Variants in OR8A1 observed in about 807,000 individuals in gnomAD.
The protein encoded by OR8A1 is olfactory receptor 8A1.
Under a neutral mutation model 13.4 loss-of-function variants are expected in OR8A1, and 5 were observed. That is an observed-to-expected ratio of 0.37 (90% CI 0.19 to 0.78). The LOEUF (loss-of-function observed/expected upper bound fraction) is 0.78, where lower values mean the gene tolerates loss of function less well. Ranked by LOEUF, OR8A1 falls within the 30% of genes least tolerant of loss-of-function variation. The pLI, the probability that OR8A1 is intolerant of heterozygous loss-of-function variation, is 0.47. For missense variants in OR8A1, 354 were observed against 374.8 expected, an observed-to-expected ratio of 0.94 and a Z score of 0.46; for synonymous variants, 156 against 150.4, an observed-to-expected ratio of 1.04 and a Z score of -0.27.
In OR8A1 at chr11:124,571,102, A is replaced by C; in HGVS notation, c.*53A>C. The C allele has an allele frequency of 6.6e-7, 1 of 1,510,186 alleles. No homozygotes were observed. Among genetic ancestry groups the C allele is most frequent in the South Asian group, 1.3e-5 (1 of 78,548 alleles). The allele number at this position is 1,510,186 out of a possible 1,614,324, so 93.5% of individuals were successfully genotyped here. ...TAGTGGTAATTGTTATAAATACCAG[A>C]GTGACAGCTTCTGAATGCTGGCCAG... On this transcript the variant is annotated 3_prime_UTR_variant, in exon 1 of 1. Coordinates refer to ENST00000284287, the MANE Select transcript of OR8A1 (RefSeq NM_001005194.2).
At position 124,570,982 on chromosome 11, in the gene OR8A1, T is replaced by G; in HGVS notation, c.863T>G (p.Ile288Ser). ...TTVIPMLNPL[I>S]YSLRNKEVKA... is the part of the protein sequence containing the mutation. ...GTAATCCCCATGTTGAATCCCCTAA[T>G]CTACAGCCTGAGGAACAAGGAAGTA... Residue 288 changes from isoleucine to serine, a missense_variant, in exon 1 of 1, where the codon ATC becomes AGC. Transcript: ENST00000284287. 6.2e-7 allele frequency: 1 copy of G among 1,614,038 alleles called. No individual in the cohort carries two copies. Among genetic ancestry groups the G allele is most frequent in the Non-Finnish European group, 8.5e-7 (1 of 1,179,972 alleles).
Position 124,570,468 on chromosome 11 carries a change from G to A in OR8A1, c.349G>A (p.Val117Met). 6.2e-7 allele frequency: 1 copy of A among 1,614,088 alleles called. No individual in the cohort carries two copies. The highest frequency in any genetic ancestry group is 8.5e-7 in the Non-Finnish European group (1 of 1,179,996). ...FVIAECYMLTVMAYDRYVAIC... is the reference protein window; with the variant it reads ...FVIAECYMLTMMAYDRYVAIC... ...CATTGCTGAGTGTTACATGCTGACA[G>A]TGATGGCCTACGACCGCTATGTTGC... Residue 117 changes from valine (V) to methionine (M), a missense_variant, in exon 1 of 1, where the codon GTG becomes ATG. Transcript: ENST00000284287.
Position 124,570,613 on chromosome 11 carries a change from A to G in OR8A1, c.494A>G (p.Lys165Arg), listed in dbSNP as rs761577440. ...GSTIETGLML[K>R]LPYCEHLISH... is the part of the protein sequence containing the mutation. ...ACAATAGAAACTGGCCTCATGTTAA[A>G]ACTGCCCTATTGTGAGCACCTCATC... is the stretch of plus-strand genomic sequence containing the variant. Residue 165 changes from lysine (K) to arginine (R), a missense_variant, in exon 1 of 1, where the codon AAA becomes AGA. Transcript: ENST00000284287. 6.2e-7 allele frequency: 1 copy of G among 1,614,078 alleles called. No individual in the cohort carries two copies. The highest frequency in any genetic ancestry group is 8.5e-7 in the Non-Finnish European group (1 of 1,179,998).
Position 124,571,170 on chromosome 11 carries a change from T to C in OR8A1, c.*121T>C. The C allele has an allele frequency of 3.3e-6, 3 of 900,274 alleles. No homozygotes were observed. The highest frequency in any genetic ancestry group is 4.9e-6 in the Non-Finnish European group (3 of 610,762). The allele number at this position is 900,274 out of a possible 1,614,324, so 55.8% of individuals were successfully genotyped here. ...TCACTTCTCCACATGGCTGGGTGAA[T>C]GGGCATTTTTCCTTCTTTCCTCTTC... On this transcript the variant is annotated 3_prime_UTR_variant, in exon 1 of 1. Coordinates refer to ENST00000284287, the MANE Select transcript of OR8A1 (RefSeq NM_001005194.2).
rs1278323939 is a variant in OR8A1 at position 124,570,634 on chromosome 11, T to A, written c.515T>A (p.Leu172His). The A allele has an allele frequency of 6.2e-7, 1 of 1,613,996 alleles. No individual in the cohort carries two copies. Among genetic ancestry groups the A allele is most frequent in the East Asian group, 2.2e-5 (1 of 44,888 alleles). Residue 172 changes from leucine to histidine, a missense_variant, in exon 1 of 1, where the codon CTC becomes CAC. Leu to His is a moderately conservative substitution (Grantham distance 99, BLOSUM62 -3). Transcript: ENST00000284287. The part of the protein sequence containing the change: ...LMLKLPYCEH[L>H]ISHYFCDILP... ...TTAAAACTGCCCTATTGTGAGCACC[T>A]CATCAGTCACTACTTCTGTGACATC... is the stretch of plus-strand genomic sequence containing the variant.
Position 124,571,331 on chromosome 11 carries a change from T to A in OR8A1, c.*282T>A. ...TTTTCTTTCACTTGAGATCCATCCC[T>A]CTACCCCAAGCCCTTTAATAAATGT... is the stretch of plus-strand genomic sequence containing the variant. On this transcript the variant is annotated 3_prime_UTR_variant, in exon 1 of 1. Transcript: ENST00000284287. The A allele has an allele frequency of 2.3e-6, 1 of 426,776 alleles. No homozygotes were observed. Among genetic ancestry groups the A allele is most frequent in the South Asian group, 4.1e-5 (1 of 24,262 alleles). 26.4% of individuals were successfully genotyped at this position (426,776 alleles called of 1,614,324 possible).
chr11:124,571,362 A>C lies in OR8A1; in HGVS notation c.*313A>C, dbSNP rs1000009950. 1.4e-5 allele frequency: 4 copies of C among 288,326 alleles called. No individual in the cohort carries two copies. Among genetic ancestry groups the C allele is most frequent in the Non-Finnish European group, 2.6e-5 (4 of 154,810 alleles). The allele number at this position is 288,326 out of a possible 1,614,324, so 17.9% of individuals were successfully genotyped here. A position where few individuals can be genotyped will look rare whatever the true frequency, so the allele number is the denominator to read the frequency against. ...CCAAGCCCTTTAATAAATGTTTCCT[A>C]TCTTAATTGTAATTTAACTTAAATG... On this transcript the variant is annotated 3_prime_UTR_variant, in exon 1 of 1. Transcript: ENST00000284287.
Position 124,570,394 on chromosome 11 carries a change from T to C in OR8A1, c.275T>C (p.Ile92Thr). 6.2e-7 allele frequency: 1 copy of C among 1,614,104 alleles called. No individual in the cohort carries two copies. Among genetic ancestry groups the C allele is most frequent in the Admixed American group, 1.7e-5 (1 of 60,008 alleles). Residue 92 changes from isoleucine to threonine, a missense_variant, in exon 1 of 1, where the codon ATC (isoleucine) becomes ACC (threonine). By Grantham distance (89) the Ile-to-Thr change is moderately conservative. Transcript: ENST00000284287. ...LVNFVSEKNI[I>T]SYAGCMSQLY... The stretch of plus-strand genomic sequence containing the variant: ...AACTTTGTGTCAGAGAAAAACATCA[T>C]CTCCTACGCAGGGTGCATGTCACAG...
In OR8A1 at chr11:124,570,877, C is replaced by T. The variant is rs908074539; in HGVS notation, c.758C>T (p.Ser253Leu). Residue 253 changes from serine to leucine, a missense_variant, in exon 1 of 1, where the codon TCA becomes TTA. Coordinates refer to ENST00000284287, the MANE Select transcript of OR8A1 (RefSeq NM_001005194.2). ...GCAGCCGTGGGAATGTTCTATGGAT[C>T]AACTGCATTCATGTACTTAAAACCC... The part of the protein sequence containing the change: ...HLAAVGMFYG[S>L]TAFMYLKPST... 1 of 1,614,006 alleles carries T rather than the reference C, an allele frequency of 6.2e-7. No homozygotes were observed. Among genetic ancestry groups the T allele is most frequent in the Admixed American group, 1.7e-5 (1 of 59,982 alleles).
Position 124,571,236 on chromosome 11 carries a change from C to G in OR8A1, c.*187C>G. The G allele has an allele frequency of 1.8e-6, 1 of 558,384 alleles. No individual in the cohort carries two copies. Among genetic ancestry groups the G allele is most frequent in the South Asian group, 2.7e-5 (1 of 36,972 alleles). The allele number at this position is 558,384 out of a possible 1,614,324, so 34.6% of individuals were successfully genotyped here. On this transcript the variant is annotated 3_prime_UTR_variant, in exon 1 of 1. Transcript: ENST00000284287. ...CCTCTTCCTTCCTCTTCCTTCCTTCCTCTTCTTTCCTCTTCCTTCCCTCCC... is the reference window on the plus strand; with the variant it reads ...CCTCTTCCTTCCTCTTCCTTCCTTCGTCTTCTTTCCTCTTCCTTCCCTCCC...
In OR8A1 at chr11:124,570,910, T is replaced by C; in HGVS notation, c.791T>C (p.Ile264Thr). The C allele has an allele frequency of 6.2e-7, 1 of 1,614,056 alleles. No individual in the cohort carries two copies. Among genetic ancestry groups the C allele is most frequent in the East Asian group, 2.2e-5 (1 of 44,864 alleles). ...TAFMYLKPST[I>T]SSLTQENVAS... is the part of the protein sequence containing the mutation. Reference sequence around the variant, plus strand: ...TTCATGTACTTAAAACCCTCCACAATCAGTTCCTTGACCCAGGAGAATGTG... The same window carrying C: ...TTCATGTACTTAAAACCCTCCACAACCAGTTCCTTGACCCAGGAGAATGTG... The change falls in exon 1 of 1, where the codon ATC (isoleucine) becomes ACC (threonine). Residue 264 changes from isoleucine (I) to threonine (T), a missense_variant. Coordinates refer to ENST00000284287, the MANE Select transcript of OR8A1 (RefSeq NM_001005194.2).
In OR8A1 at chr11:124,570,785, C is replaced by T. The variant is rs1337965141; in HGVS notation, c.666C>T (p.Ser222=). 4 of 1,613,980 alleles carry T rather than the reference C, an allele frequency of 2.5e-6. No homozygotes were observed. In the African/African-American group the frequency reaches 5.3e-5, roughly 22 times the overall value. The change falls in exon 1 of 1, where the codon TCC becomes TCT. Residue 222 remains serine, a synonymous_variant. Transcript: ENST00000284287. ...TTGTTTCTTACACCTTCATTCTCTC[C>T]AGCATCCTCGGCATCAGCACCACAG... ...TVLVSYTFIL[S]SILGISTTEG...
In OR8A1 at chr11:124,570,745, C is replaced by G. The variant is rs143302013; in HGVS notation, c.626C>G (p.Thr209Arg). Reference sequence around the variant, plus strand: ...TCGGCTGGATTCAACATCATAGTCACGAGCTTAACAGTTCTTGTTTCTTAC... The same window carrying G: ...TCGGCTGGATTCAACATCATAGTCAGGAGCTTAACAGTTCTTGTTTCTTAC... The part of the protein sequence containing the change: ...FFSAGFNIIV[T>R]SLTVLVSYTF... The change falls in exon 1 of 1, where the codon ACG (threonine) becomes AGG (arginine). Residue 209 changes from threonine (T) to arginine (R), a missense_variant. By Grantham distance (71) the Thr-to-Arg change is moderately conservative. Coordinates refer to ENST00000284287, the MANE Select transcript of OR8A1 (RefSeq NM_001005194.2). The G allele has an allele frequency of 1.9e-6, 3 of 1,614,074 alleles. No individual in the cohort carries two copies. Among genetic ancestry groups the G allele is most frequent in the East Asian group, 2.2e-5 (1 of 44,874 alleles).
In OR8A1 at chr11:124,570,109, C is replaced by T. The variant is rs1862656864; in HGVS notation, c.-11C>T. ...CCCATGCATCCCTGCAGGCCTCCCA[C>T]CCAGAGGAGAATGGCTGCAGGAAAT... On this transcript the variant is annotated 5_prime_UTR_variant, in exon 1 of 1. Transcript: ENST00000284287. 1 of 1,613,904 alleles carries T rather than the reference C, an allele frequency of 6.2e-7. No homozygotes were observed. The highest frequency in any genetic ancestry group is 1.3e-5 in the African/African-American group (1 of 75,036).
Position 124,570,702 on chromosome 11 carries a change from G to A in OR8A1, c.583G>A (p.Glu195Lys). 6.2e-7 allele frequency: 1 copy of A among 1,614,052 alleles called. No individual in the cohort carries two copies. The highest frequency in any genetic ancestry group is 8.5e-7 in the Non-Finnish European group (1 of 1,179,988). Residue 195 changes from glutamate to lysine, a missense_variant, in exon 1 of 1, where the codon GAG becomes AAG. Glu to Lys is a moderately conservative substitution (Grantham distance 56, BLOSUM62 1). Coordinates refer to ENST00000284287, the MANE Select transcript of OR8A1 (RefSeq NM_001005194.2). ...KLSCSSTYDV[E>K]MTVFFSAGFN... ...GTCCTGCTCTAGCACCTATGATGTT[G>A]AGATGACAGTCTTCTTTTCGGCTGG...
Position 124,570,480 on chromosome 11 carries a change from G to C in OR8A1, c.361G>C (p.Asp121His). The stretch of plus-strand genomic sequence containing the variant: ...TTACATGCTGACAGTGATGGCCTAC[G>C]ACCGCTATGTTGCCATCTGCCACCC... Reference protein sequence around the residue: ...ECYMLTVMAYDRYVAICHPLL... With the variant: ...ECYMLTVMAYHRYVAICHPLL... The change falls in exon 1 of 1, where the codon GAC (aspartate) becomes CAC (histidine). Residue 121 changes from aspartate (D) to histidine (H), a missense_variant. Physicochemically the swap from Asp to His is moderately conservative, Grantham distance 81 (BLOSUM62 -1). Transcript: ENST00000284287. 1 of 1,613,948 alleles carries C rather than the reference G, an allele frequency of 6.2e-7. No individual in the cohort carries two copies. The highest frequency in any genetic ancestry group is 8.5e-7 in the Non-Finnish European group (1 of 1,179,976).
At position 124,570,196 on chromosome 11, in the gene OR8A1, C is replaced by A; in HGVS notation, c.77C>A (p.Pro26His). ...GLTKRADLQL[P>H]LFLLFLGIYL... is the part of the protein sequence containing the mutation. The stretch of plus-strand genomic sequence containing the variant: ...ACGAAGAGAGCAGACCTCCAGCTCC[C>A]CCTCTTTCTCCTCTTCCTCGGGATC... Residue 26 changes from proline (P) to histidine (H), a missense_variant, in exon 1 of 1, where the codon CCC (proline) becomes CAC (histidine). Pro to His is a moderately conservative substitution (Grantham distance 77, BLOSUM62 -2). Transcript: ENST00000284287. 2 of 1,614,002 alleles carry A rather than the reference C, an allele frequency of 1.2e-6. No individual in the cohort carries two copies. The highest frequency in any genetic ancestry group is 1.7e-6 in the Non-Finnish European group (2 of 1,179,998).
In OR8A1 at chr11:124,571,146, C is replaced by T; in HGVS notation, c.*97C>T. The T allele has an allele frequency of 8.6e-7, 1 of 1,157,940 alleles. No individual in the cohort carries two copies. Among genetic ancestry groups the T allele is most frequent in the Non-Finnish European group, 1.2e-6 (1 of 826,146 alleles). 71.7% of individuals were successfully genotyped at this position (1,157,940 alleles called of 1,614,324 possible). On this transcript the variant is annotated 3_prime_UTR_variant, in exon 1 of 1. Transcript: ENST00000284287. ...TGGCCAGCTGTGGATGGAAAATAAT[C>T]ACTTCTCCACATGGCTGGGTGAATG...
rs1862672706 is a variant in OR8A1, at chr11:124,570,795, G to A, written c.676G>A (p.Gly226Ser). ...SYTFILSSIL[G>S]ISTTEGRSKA... ...CACCTTCATTCTCTCCAGCATCCTC[G>A]GCATCAGCACCACAGAGGGGAGATC... is the stretch of plus-strand genomic sequence containing the variant. Residue 226 changes from glycine to serine, a missense_variant, in exon 1 of 1, where the codon GGC (glycine) becomes AGC (serine). Transcript: ENST00000284287. The A allele has an allele frequency of 6.8e-6, 11 of 1,613,806 alleles. No homozygotes were observed. Among genetic ancestry groups the A allele is most frequent in the African/African-American group, 2.7e-5 (2 of 74,820 alleles).
Sources: gnomAD v4.1 joint callset for allele counts on GRCh38, gnomAD v4.1.1 for gene constraint, MANE v1.5 for transcripts, NCBI Gene and HGNC (gene_info 2026-07-23, HGNC 2026-07-21) for gene names.